INSL6: variants seen among roughly 807,000 people sequenced by gnomAD.
INSL6 encodes insulin-like peptide INSL6.
Under a neutral mutation model 9.4 loss-of-function variants are expected in INSL6, and 16 were observed. The observed-to-expected ratio is 1.70, with a 90% CI of 1.15 to 2.59. The LOEUF (loss-of-function observed/expected upper bound fraction) is 2.59. INSL6 is among the 30% of genes most tolerant of loss of function. The probability of loss-of-function intolerance (pLI) is 0.00; values close to 1 mark genes in which losing one functional copy is unlikely to be tolerated. For missense variants in INSL6, 391 were observed against 257.3 expected (o/e 1.52, Z -3.56); for synonymous variants, 154 against 96.9 (o/e 1.59, Z -3.46).
the INSL6 span, among the ~76,000 whole-genome samples, chr9:5,004,237 CCTAT>C: frequency 6.6e-6 from 1 of 152,124 alleles, no homozygotes; most frequent in East Asian, 1.9e-4. Flanking sequence ...GTTTACTCCT[CCTAT>C]CTAACAGAAA....
At chr9:5,155,139 G>A (rs1251711199) in intron 2 of INSL6, among the ~76,000 whole-genome samples, 10 of 151,644 alleles carry the variant, frequency 6.6e-5, no homozygotes, top group Non-Finnish European at 1.0e-4. Context: ...GGACTACTAT[G>A]CAGCCATAAA....
At chr9:5,107,203 G>C in the INSL6 span, among the ~76,000 whole-genome samples, 1 of 151,920 alleles carries the variant, frequency 6.6e-6, no homozygotes, top group Non-Finnish European at 1.5e-5. Context: ...AACTAGTTTC[G>C]ATAATATCTG....
the INSL6 span, chr9:5,069,028 A>G: frequency 6.4e-7 from 1 of 1,571,530 alleles, no homozygotes; most frequent in Non-Finnish European, 8.7e-7. Context: ...ACAGCGAGAA[A>G]ATGTCATTGA....
At chr9:5,115,303 T>G in the INSL6 span, among the ~76,000 whole-genome samples, 5 of 151,986 alleles carry the variant, frequency 3.3e-5, no homozygotes, top group African/African-American at 4.8e-5. Flanking sequence ...AACAAACATA[T>G]GAAAAAAAGC....
the INSL6 span, among the ~76,000 whole-genome samples, chr9:5,017,761 A>G: frequency 6.6e-6 from 1 of 152,226 alleles, no homozygotes; most frequent in African/African-American, 2.4e-5. Context: ...ATGAACTTCA[A>G]AAATCTTGCA....
At chr9:5,108,618 G>A in the INSL6 span, 4 of 151,970 alleles carry the variant, frequency 2.6e-5, no homozygotes, top group African/African-American at 9.7e-5. Flanking sequence ...AGTACTTGCA[G>A]CGGTACTCCT....
chr9:5,090,435 T>C, the INSL6 span: 14 of 1,523,660 alleles, frequency 9.2e-6, no homozygotes, highest in African/African-American at 2.8e-5. Flanking sequence ...TTTCCACCTT[T>C]ATGTTAAAAG....
intron 1 of INSL6, among the ~76,000 whole-genome samples, chr9:5,174,431 T>C (rs915785500): frequency 2.0e-5 from 3 of 152,236 alleles, no homozygotes; most frequent in East Asian, 1.9e-4. Context: ...CACATCTTAA[T>C]TGATTTATGA....
At chr9:5,096,217 T>C in the INSL6 span, among the ~76,000 whole-genome samples, 2 of 152,184 alleles carry the variant, frequency 1.3e-5, no homozygotes, top group African/African-American at 2.4e-5. Context: ...ACTTATTTCT[T>C]CTACCTTCCT....
At chr9:5,115,886 A>G in the INSL6 span, among the ~76,000 whole-genome samples, 1 of 152,178 alleles carries the variant, frequency 6.6e-6, no homozygotes, top group East Asian at 1.9e-4. Flanking sequence ...GGAGGGGAAC[A>G]TCACACACCA....
chr9:5,099,081 C>T, the INSL6 span: 1 of 152,172 alleles, frequency 6.6e-6, no homozygotes, highest in African/African-American at 2.4e-5. Context: ...GAACAATTCT[C>T]CCAACAGAAA....
chr9:5,110,854 T>G, the INSL6 span: 1 of 480,134 alleles, frequency 2.1e-6, no homozygotes, highest in African/African-American at 2.0e-5. Flanking sequence ...GGGGGACGCT[T>G]CATGCCGCCG....
downstream of INSL6, among the ~76,000 whole-genome samples, chr9:5,123,831 C>G (rs1467751784): frequency 2.6e-5 from 4 of 151,438 alleles, no homozygotes; most frequent in Non-Finnish European, 4.4e-5. Flanking sequence ...TTCTCTCTCT[C>G]ATTTTTTTTT....
chr9:5,022,293 A>G, the INSL6 span: 1 of 856,804 alleles, frequency 1.2e-6, no homozygotes, highest in Non-Finnish European at 1.8e-6. Context: ...GTACATGCAT[A>G]ATATATATTT....
At chr9:5,146,117 G>GT (rs375560349) in intron 2 of INSL6, among the ~76,000 whole-genome samples, 63 of 149,522 alleles carry the variant, frequency 4.2e-4, no homozygotes, top group East Asian at 9.8e-4. Flanking sequence ...TAACCTTTGG[G>GT]TTTTTTTTTT....
the INSL6 span, chr9:5,044,542 T>C: frequency 1.1e-5 from 14 of 1,321,048 alleles, no homozygotes; most frequent in Non-Finnish European, 1.5e-5. Flanking sequence ...TTATCTTACT[T>C]GTACATGAGT....
intron 3 of INSL6, among the ~76,000 whole-genome samples, chr9:5,125,230 T>C (rs1823896630): frequency 6.6e-6 from 1 of 151,124 alleles, no homozygotes; most frequent in African/African-American, 2.4e-5. Context: ...ATAAAACTTT[T>C]ATAACTTTTA....
intron 1 of INSL6, among the ~76,000 whole-genome samples, chr9:5,169,954 T>C (rs939106132): frequency 3.9e-5 from 6 of 152,206 alleles, no homozygotes; most frequent in East Asian, 1.9e-4. Flanking sequence ...ATGAGACTGA[T>C]TGTTGAGACA....
downstream of INSL6, chr9:5,123,136 T>C: frequency 6.6e-7 from 1 of 1,508,766 alleles, no homozygotes; most frequent in Non-Finnish European, 9.1e-7. Flanking sequence ...GTGTGCTTTT[T>C]ATTTACTTTC....
Sources: allele counts gnomAD v4.1 joint callset (sites outside exome capture counted in the v4.1 genomes callset), GRCh38; gene constraint gnomAD v4.1.1; transcripts MANE v1.5; gene names NCBI Gene and HGNC (gene_info 2026-07-23, HGNC 2026-07-21).